Variants in AGAP1 observed in about 807,000 individuals in gnomAD.
AGAP1 encodes arf-GAP with GTPase, ANK repeat and PH domain-containing protein 1.
AGAP1 carries 29 observed loss-of-function variants against 105.3 expected under a neutral mutation model. That is an observed-to-expected ratio of 0.28 (90% CI 0.21 to 0.38). The LOEUF (loss-of-function observed/expected upper bound fraction) is 0.38. Ranked by LOEUF, AGAP1 falls within the 10% of genes least tolerant of loss-of-function variation. The pLI, the probability that AGAP1 is intolerant of heterozygous loss-of-function variation, is 1.00. For synonymous variants in AGAP1, 509 were observed against 485.9 expected (o/e 1.05, Z -0.63); for missense variants, 998 against 1,165.1 (o/e 0.86, Z 2.09).
At chr2:235,756,725 C>G (rs563115139) in intron 6 of AGAP1, among the ~76,000 whole-genome samples, 2 of 152,324 alleles carry the variant, frequency 1.3e-5, no homozygotes, top group South Asian at 4.1e-4. Context: ...GTCGGATCAG[C>G]AGCAGCCTTA....
chr2:235,757,998 G>GCCT (rs1954072664), intron 6 of AGAP1, among the ~76,000 whole-genome samples: 1 of 152,150 alleles, frequency 6.6e-6, no homozygotes, highest in African/African-American at 2.4e-5. Flanking sequence ...GCTGTTAAAG[G>GCCT]ATGTATCAGT....
chr2:235,587,972 G>C (rs1347716512), intron 1 of AGAP1, among the ~76,000 whole-genome samples: 2 of 152,144 alleles, frequency 1.3e-5, no homozygotes, highest in African/African-American at 4.8e-5. Flanking sequence ...GCTCACGCCT[G>C]TAATCCCAGC....
At chr2:235,536,806 C>T (rs1270590881) in intron 1 of AGAP1, among the ~76,000 whole-genome samples, 1 of 152,176 alleles carries the variant, frequency 6.6e-6, no homozygotes, top group South Asian at 2.1e-4. Flanking sequence ...ATTCTTCACG[C>T]GTCAGTGTTT....
intron 6 of AGAP1, among the ~76,000 whole-genome samples, chr2:235,781,467 A>G (rs1956258600): frequency 6.6e-6 from 1 of 152,362 alleles, no homozygotes; most frequent in South Asian, 2.1e-4. Flanking sequence ...AAGATTTATA[A>G]TAAATGCTCT....
At chr2:235,869,831 G>A (rs964322264) in intron 9 of AGAP1, among the ~76,000 whole-genome samples, 1 of 152,244 alleles carries the variant, frequency 6.6e-6, no homozygotes. Flanking sequence ...TGAGACCTCA[G>A]TTCTTCCTCA....
At position 236,113,923 on chromosome 2, in the gene AGAP1, G is replaced by A. The variant is rs1051404996; in HGVS notation, c.2115-6269G>A. On this transcript the variant is annotated intron_variant, in intron 16 of 17. Coordinates refer to ENST00000304032, the MANE Select transcript of AGAP1 (RefSeq NM_001037131.3). This position sits in a 1 kb window ranked among gnomAD's most constrained non-coding sequence, Gnocchi z 4.3. ...AGGAAGAGAAGCAAATATAAAATAC[G>A]ATGGCGCCTGAAATGTACCTTTTCT... is the stretch of plus-strand genomic sequence containing the variant. 6.6e-6 allele frequency among the ~76,000 whole-genome samples: 1 copy of A among 152,044 alleles called. No individual in the cohort carries two copies. Among genetic ancestry groups the A allele is most frequent in the Non-Finnish European group, 1.5e-5 (1 of 68,016 alleles).
intron 13 of AGAP1, among the ~76,000 whole-genome samples, chr2:235,991,435 A>G (rs557731646): frequency 2.6e-5 from 4 of 152,298 alleles, no homozygotes; most frequent in Non-Finnish European, 5.9e-5. Context: ...ATAAAAATGC[A>G]TATCACTCTA....
chr2:235,599,323 C>A lies in AGAP1; in HGVS notation c.163+104474C>A, dbSNP rs906346401. Among the ~76,000 whole-genome samples, 3 of 151,926 alleles carry A rather than the reference C, an allele frequency of 2.0e-5. No individual in the cohort carries two copies. The highest frequency in any genetic ancestry group is 4.4e-5 in the Non-Finnish European group (3 of 68,022). On this transcript the variant is annotated intron_variant, in intron 1 of 17. Coordinates refer to ENST00000304032, the MANE Select transcript of AGAP1 (RefSeq NM_001037131.3). This position sits in a 1 kb window ranked among gnomAD's most constrained non-coding sequence, Gnocchi z 5.3. Reference sequence around the variant, plus strand: ...GGGTGGCAGTGTGCTTTCTTCCTGCCCCAATTTTGCCCAGGAGGAGTCTGG... The same window carrying A: ...GGGTGGCAGTGTGCTTTCTTCCTGCACCAATTTTGCCCAGGAGGAGTCTGG...
At position 235,924,980 on chromosome 2, in the gene AGAP1, G is replaced by A. The variant is rs143220851; in HGVS notation, c.1325-5785G>A. 6.1e-3 allele frequency among the ~76,000 whole-genome samples: 927 copies of A among 152,238 alleles called. 7 individuals are homozygous for A. The highest frequency in any genetic ancestry group is 0.021 in the African/African-American group (882 of 41,524). On this transcript the variant is annotated intron_variant, in intron 11 of 17. Transcript: ENST00000304032. ...AAGAAACTGAGGCCCGTGGAGAGCT[G>A]GCTGCCAGCAACAGTGGGGTGGGAT...
At chr2:235,780,595 G>C (rs1956201844) in intron 6 of AGAP1, among the ~76,000 whole-genome samples, 2 of 152,180 alleles carry the variant, frequency 1.3e-5, no homozygotes, top group Non-Finnish European at 2.9e-5. Flanking sequence ...TTATATTTAA[G>C]CTGTGCAACG....
Position 235,641,434 on chromosome 2 carries a change from A to AT in AGAP1, c.164-67734dup, listed in dbSNP as rs57323978. Among the ~76,000 whole-genome samples the AT allele has an allele frequency of 3.9e-3, 486 of 123,248 alleles. 3 individuals carry two copies. The highest frequency in any genetic ancestry group is 8.6e-3 in the South Asian group (33 of 3,856). 80.9% of individuals were successfully genotyped at this position (123,248 alleles called of 152,430 possible). On this transcript the variant is annotated intron_variant, in intron 1 of 17. Coordinates refer to ENST00000304032, the MANE Select transcript of AGAP1 (RefSeq NM_001037131.3). ...AAATGCCTCTCCTCTCCCCGACCCG[A>AT]TTTTTTTTTTTCTTTTTTGGTAGGA... is the stretch of plus-strand genomic sequence containing the variant.
intron 6 of AGAP1, among the ~76,000 whole-genome samples, chr2:235,784,690 TTTATATG>T (rs1345287680): frequency 6.6e-6 from 1 of 151,878 alleles, no homozygotes; most frequent in Non-Finnish European, 1.5e-5. Flanking sequence ...ATTTACCTGG[TTTATATG>T]TTAATCATAT....
intron 9 of AGAP1, among the ~76,000 whole-genome samples, chr2:235,869,747 G>A (rs2049349642): frequency 6.6e-6 from 1 of 152,252 alleles, no homozygotes; most frequent in Admixed American, 6.5e-5. Context: ...CTTTACTGAT[G>A]TATCTGATGC....
intron 9 of AGAP1, among the ~76,000 whole-genome samples, chr2:235,815,005 A>ATG (rs909132429): frequency 3.3e-5 from 5 of 152,146 alleles, no homozygotes; most frequent in East Asian, 1.9e-4. Flanking sequence ...GGGGGTTCTG[A>ATG]TGTACCAGAG....
chr2:235,707,133 G>T (rs1950574370), intron 1 of AGAP1, among the ~76,000 whole-genome samples: 1 of 152,236 alleles, frequency 6.6e-6, no homozygotes, highest in African/African-American at 2.4e-5. Flanking sequence ...GTGTCAGTGG[G>T]AGGAGAGTAG....
At chr2:235,667,177 A>T (rs1007159391) in intron 1 of AGAP1, among the ~76,000 whole-genome samples, 3 of 152,206 alleles carry the variant, frequency 2.0e-5, no homozygotes, top group African/African-American at 7.2e-5. Context: ...TTTCTGTGGT[A>T]AAATCACGTA....
In AGAP1 at chr2:235,875,194, G is replaced by A. The variant is rs558188344; in HGVS notation, c.1051-8151G>A. Among the ~76,000 whole-genome samples the A allele has an allele frequency of 4.6e-5, 7 of 152,280 alleles. No individual in the cohort carries two copies. The South Asian group carries it at 1.5e-3, about 32-fold the overall frequency. On this transcript the variant is annotated intron_variant, in intron 9 of 17. Coordinates refer to ENST00000304032, the MANE Select transcript of AGAP1 (RefSeq NM_001037131.3). The surrounding 1 kb of genome is among the most constrained non-coding windows in gnomAD (Gnocchi z 4.0). ...TTCAACCTTACTGGTCCATGGCCCTGTCCTGTTTCTGTATCTGCCAACCAG... is the reference window on the plus strand; with the variant it reads ...TTCAACCTTACTGGTCCATGGCCCTATCCTGTTTCTGTATCTGCCAACCAG...
rs1953441936 is a variant in AGAP1, at chr2:235,751,546, A to T, written c.673+1058A>T. Among the ~76,000 whole-genome samples the T allele has an allele frequency of 6.6e-6, 1 of 152,146 alleles. No homozygotes were observed. ...CAGTGGCTGCAGGACTGTTCCCGGG[A>T]CTTCCTCCAAATGGGGCAATTTTCT... On this transcript the variant is annotated intron_variant, in intron 6 of 17. Transcript: ENST00000304032. The surrounding 1 kb of genome is among the most constrained non-coding windows in gnomAD (Gnocchi z 5.3).
At chr2:235,812,553 G>C (rs936193539) in intron 9 of AGAP1, among the ~76,000 whole-genome samples, 1 of 152,260 alleles carries the variant, frequency 6.6e-6, no homozygotes, top group African/African-American at 2.4e-5. Flanking sequence ...TGACGCCAGC[G>C]TTAACAGCTC....
Sources: gnomAD v4.1 joint callset for allele counts (sites outside exome capture counted in the v4.1 genomes callset) on GRCh38, gnomAD v4.1.1 for gene constraint, Gnocchi (gnomAD v3.1) non-coding constraint, MANE v1.5 for transcripts, NCBI Gene and HGNC (gene_info 2026-07-23, HGNC 2026-07-21) for gene names.